ATAD2: variants seen among roughly 807,000 people sequenced by gnomAD.
ATAD2 encodes the protein ATPase family AAA domain containing 2, also known as ATPase family AAA domain-containing protein 2.
A neutral mutation model predicts 168.9 loss-of-function variants in ATAD2; 62 were observed. The observed-to-expected ratio is 0.37, with a 90% CI of 0.30 to 0.45. ATAD2 has a LOEUF of 0.45. Ranked by LOEUF, ATAD2 falls within the 20% of genes least tolerant of loss-of-function variation. The pLI, the probability that ATAD2 is intolerant of heterozygous loss-of-function variation, is 1.00. For synonymous variants in ATAD2, 613 were observed against 571.6 expected (o/e 1.07, Z -1.03); for missense variants, 1,419 against 1,667.8 (o/e 0.85, Z 2.60).
At chr8:123,383,939 G>T (rs1271512571) in intron 1 of ATAD2, among the ~76,000 whole-genome samples, 1 of 151,774 alleles carries the variant, frequency 6.6e-6, no homozygotes, top group East Asian at 1.9e-4. Flanking sequence ...AAATTAGCTG[G>T]GTGTGGTAGC....
At chr8:123,377,506 T>G (rs942009266) in intron 2 of ATAD2, among the ~76,000 whole-genome samples, 1 of 152,202 alleles carries the variant, frequency 6.6e-6, no homozygotes, top group Admixed American at 6.5e-5. Flanking sequence ...TATGACTATG[T>G]AAACCAAACT....
At position 123,396,258 on chromosome 8, in the gene ATAD2, T is replaced by C. The variant is rs761440920; in HGVS notation, c.100A>G (p.Ile34Val). 1.2e-6 allele frequency: 2 copies of C among 1,610,228 alleles called. No homozygotes were observed. Among genetic ancestry groups the C allele is most frequent in the Non-Finnish European group, 1.7e-6 (2 of 1,179,446 alleles). The change falls in exon 1 of 28, where the codon ATC becomes GTC. Residue 34 changes from isoleucine to valine, a missense_variant. Physicochemically the swap from Ile to Val is conservative, Grantham distance 29 (BLOSUM62 3). Transcript: ENST00000287394. The part of the protein sequence containing the change: ...LSSDFLSLEH[I>V]GRRRLRSAGA... The stretch of plus-strand genomic sequence containing the variant: ...GCCGAGCGGAGCCGCCTCCGGCCGA[T>C]GTGCTCCAGACTGAGGAAGTCACTG...
intron 19 of ATAD2, among the ~76,000 whole-genome samples, chr8:123,342,772 C>A (rs1253908791): frequency 6.6e-6 from 1 of 152,114 alleles, no homozygotes; most frequent in African/African-American, 2.4e-5. Context: ...AATCTGGTCC[C>A]TTGATAACCT....
At chr8:123,406,206 G>T (rs1388341081) in intron 1 of ATAD2, among the ~76,000 whole-genome samples, 1 of 151,714 alleles carries the variant, frequency 6.6e-6, no homozygotes, top group African/African-American at 2.4e-5. Flanking sequence ...GTGAAACTGT[G>T]TCTCTACTAA....
rs764017293 is a variant in ATAD2 at position 123,347,346 on chromosome 8, C to CTTTAT, written c.1957_1958insATAAA (p.Arg653HisfsTer31). ...AGTGGTATAGATCTGTGGGTAGCGTCGTCGTAAAGCACATAAAGCAGCTTC... is the reference window on the plus strand; with the variant it reads ...AGTGGTATAGATCTGTGGGTAGCGTCTTTATGTCGTAAAGCACATAAAGCAGCTTC... On this transcript the variant is annotated frameshift_variant, in exon 16 of 28. Transcript: ENST00000287394. LOFTEE classifies it high-confidence loss of function. The CTTTAT allele has an allele frequency of 6.2e-6, 10 of 1,613,608 alleles. No individual in the cohort carries two copies. Among genetic ancestry groups the CTTTAT allele is most frequent in the Non-Finnish European group, 8.5e-7 (1 of 1,180,006 alleles).
rs750374973 is a variant in ATAD2, at chr8:123,328,519, C to T, written c.3539G>A (p.Arg1180Gln). Residue 1180 changes from arginine to glutamine, a missense_variant, in exon 25 of 28, where the codon CGA becomes CAA. Physicochemically the swap from Arg to Gln is conservative, Grantham distance 43 (BLOSUM62 1). Around this residue, in one of 5 missense-constraint regions of ATAD2, gnomAD observed 303 missense variants for 304.3 expected, o/e 1.00. Coordinates refer to ENST00000287394, the MANE Select transcript of ATAD2 (RefSeq NM_014109.4). ...ATCCTTTGCCTGTGAAATCTTCCTT[C>T]GCTTTTTTATGGTGCCTAAGTACCA... is the stretch of plus-strand genomic sequence containing the variant. Reference protein sequence around the residue: ...SNWYLGTIKKRRKISQAKDDS... With the variant: ...SNWYLGTIKKQRKISQAKDDS... 12 of 1,592,442 alleles carry T rather than the reference C, an allele frequency of 7.5e-6. No homozygotes were observed. Among genetic ancestry groups the T allele is most frequent in the East Asian group, 4.5e-5 (2 of 44,318 alleles).
At chr8:123,336,642 T>C in intron 21 of ATAD2, 110 bp from the exon 22 acceptor site, 1 of 792,846 alleles carries the variant, frequency 1.3e-6, no homozygotes, top group South Asian at 2.9e-5. Flanking sequence ...CGTAAGAGAT[T>C]ATGATAATAT....
intron 1 of ATAD2, among the ~76,000 whole-genome samples, chr8:123,393,106 A>G (rs1812663541): frequency 6.7e-6 from 1 of 150,000 alleles, no homozygotes; most frequent in East Asian, 2.0e-4. Context: ...AATGGCGTGA[A>G]CCCGGGAGGT....
intron 1 of ATAD2, 47 bp from the exon 2 acceptor site, chr8:123,380,724 T>G (rs746033268): frequency 2.5e-6 from 4 of 1,569,924 alleles, no homozygotes; most frequent in Non-Finnish European, 3.5e-6. Flanking sequence ...TTTACAAAAC[T>G]CCAATTTAAA....
intron 2 of ATAD2, among the ~76,000 whole-genome samples, chr8:123,374,657 C>T (rs1029090001): frequency 4.6e-5 from 7 of 152,196 alleles, no homozygotes; most frequent in African/African-American, 9.7e-5. Flanking sequence ...GCCATACAGT[C>T]TCCTCTGTCA....
intron 1 of ATAD2, among the ~76,000 whole-genome samples, chr8:123,391,332 G>A (rs1829819660): frequency 6.6e-6 from 1 of 151,278 alleles, no homozygotes; most frequent in Non-Finnish European, 1.5e-5. Flanking sequence ...ACCCATACAA[G>A]TCAGGAAAAA....
chr8:123,388,733 CTA>C (rs1461003931), intron 1 of ATAD2, among the ~76,000 whole-genome samples: 4 of 152,034 alleles, frequency 2.6e-5, no homozygotes, highest in South Asian at 2.1e-4. Context: ...GGTGGTCTCA[CTA>C]TGTTGCTCAG....
Position 123,325,958 on chromosome 8 carries a change from CAACAGTG to C in ATAD2, c.3930_3936del (p.Ile1310MetfsTer22). ...TGAGAAAGAATTGCCAAAGCCTTTT[CAACAGTG>C]ATGAGCTGCTGCTGTTCTACCTGGG... On this transcript the variant is annotated frameshift_variant, in exon 26 of 28. Transcript: ENST00000287394. LOFTEE classifies it high-confidence loss of function. The C allele has an allele frequency of 6.2e-7, 1 of 1,614,102 alleles. No homozygotes were observed. The highest frequency in any genetic ancestry group is 8.5e-7 in the Non-Finnish European group (1 of 1,179,984).
At chr8:123,345,983 A>C (rs749063749) in intron 18 of ATAD2, 103 bp downstream of exon 18, 2 of 953,782 alleles carry the variant, frequency 2.1e-6, no homozygotes, top group Non-Finnish European at 2.9e-6. Context: ...ACCTAAAGTT[A>C]CAAATCAGAA....
intron 24 of ATAD2, among the ~76,000 whole-genome samples, chr8:123,332,988 C>G (rs1256714728): frequency 2.0e-5 from 3 of 151,960 alleles, no homozygotes; most frequent in East Asian, 3.9e-4. Flanking sequence ...CTTTATCTAT[C>G]TCAAATCAAT....
chr8:123,347,062 T>C (rs1167549201), intron 16 of ATAD2, 30 bp downstream of exon 16: 1 of 1,551,444 alleles, frequency 6.4e-7, no homozygotes, highest in Admixed American at 1.9e-5. Flanking sequence ...TTATAAAAAC[T>C]AACTTTAAAT....
At chr8:123,400,552 T>G, upstream of ATAD2, 1 of 457,958 alleles carries the variant, frequency 2.2e-6, no homozygotes, top group Admixed American at 2.9e-5. The surrounding 1 kb of genome is among the most constrained non-coding windows in gnomAD (Gnocchi z 4.5). Context: ...GGTGTTTATG[T>G]TGGGTCGCCG....
At chr8:123,336,838 C>T (rs1174352198) in intron 21 of ATAD2, among the ~76,000 whole-genome samples, 4 of 152,002 alleles carry the variant, frequency 2.6e-5, no homozygotes, top group African/African-American at 9.7e-5. Context: ...AGACGTGGCT[C>T]TCCAGGTCTC....
intron 24 of ATAD2, among the ~76,000 whole-genome samples, chr8:123,330,646 G>A (rs1827753406): frequency 1.3e-5 from 2 of 152,166 alleles, no homozygotes; most frequent in Non-Finnish European, 1.5e-5. Context: ...ACAGGCGTGA[G>A]CCACCGCGCC....
Sources: allele counts gnomAD v4.1 joint callset (sites outside exome capture counted in the v4.1 genomes callset), GRCh38; gene constraint gnomAD v4.1.1; regional missense constraint gnomAD v4.1.1; non-coding constraint Gnocchi (gnomAD v3.1); transcripts MANE v1.5; gene names NCBI Gene and HGNC (gene_info 2026-07-23, HGNC 2026-07-21).